Variants in FGL1 observed in about 807,000 individuals in gnomAD.
FGL1 encodes the protein fibrinogen like 1, also known as fibrinogen-like protein 1.
FGL1 carries 59 observed loss-of-function variants against 43.7 expected under a neutral mutation model. The ratio of observed to expected loss-of-function variants is 1.35; its 90% confidence interval spans 1.10 to 1.68. The LOEUF is 1.68. Ranked by LOEUF, FGL1 falls within the 40% of genes most tolerant of loss-of-function variation. FGL1 has a pLI of 0.00. For synonymous variants in FGL1, 192 were observed against 126.5 expected (o/e 1.52, Z -3.48); for missense variants, 596 against 373.0 (o/e 1.60, Z -4.92).
At chr8:17,882,238 T>G in intron 2 of FGL1, 59 bp from the exon 3 acceptor site, 1 of 1,452,760 alleles carries the variant, frequency 6.9e-7, no homozygotes, top group South Asian at 1.3e-5. Flanking sequence ...AACAAGTGCT[T>G]TTTAAACATT....
chr8:17,882,742 A>G (rs996645691), intron 2 of FGL1: 12 of 136,740 alleles, frequency 8.8e-5, no homozygotes, highest in Non-Finnish European at 1.7e-4. Context: ...TATAAATAAT[A>G]TATAATATAT....
chr8:17,878,523 C>T (rs968723367), intron 3 of FGL1, among the ~76,000 whole-genome samples: 3 of 152,202 alleles, frequency 2.0e-5, no homozygotes, highest in South Asian at 2.1e-4. Flanking sequence ...GTCAAGTGAA[C>T]GGCGGTGGTG....
intron 3 of FGL1, among the ~76,000 whole-genome samples, chr8:17,877,925 T>C (rs941945734): frequency 6.6e-6 from 1 of 152,182 alleles, no homozygotes; most frequent in Non-Finnish European, 1.5e-5. Flanking sequence ...TGAGTACTTC[T>C]TTTGCTCTAC....
intron 5 of FGL1, 72 bp downstream of exon 5, chr8:17,873,947 A>C (rs1438618310): frequency 4.5e-6 from 5 of 1,100,086 alleles, no homozygotes; most frequent in Admixed American, 2.8e-5. Flanking sequence ...ATTGCCTATA[A>C]TTTGGTTAAA....
chr8:17,886,613 C>T (rs1180447132), intron 1 of FGL1, among the ~76,000 whole-genome samples: 1 of 152,040 alleles, frequency 6.6e-6, no homozygotes, highest in Non-Finnish European at 1.5e-5. Context: ...CAAAAATTAG[C>T]CAGGCGTGGT....
chr8:17,892,598 T>C (rs1168374033), intron 1 of FGL1, among the ~76,000 whole-genome samples: 1 of 152,190 alleles, frequency 6.6e-6, no homozygotes, highest in Admixed American at 6.5e-5. Context: ...AAATTGTTCT[T>C]CTGACTGAAA....
At chr8:17,891,741 G>A (rs1186319147) in intron 1 of FGL1, 1 of 983,078 alleles carries the variant, frequency 1.0e-6, no homozygotes, top group African/African-American at 1.7e-5. Context: ...TTGCTTATGG[G>A]AGATCAAATT....
chr8:17,868,756 T>C (rs1186539787), intron 6 of FGL1, 21 bp from the exon 7 acceptor site: 1 of 1,600,476 alleles, frequency 6.2e-7, no homozygotes, highest in Admixed American at 1.7e-5. Flanking sequence ...AGGGCATTTC[T>C]GCTGTCAGTG....
intron 1 of FGL1, among the ~76,000 whole-genome samples, chr8:17,894,077 G>T (rs1375259737): frequency 6.8e-6 from 1 of 146,524 alleles, no homozygotes; most frequent in East Asian, 1.9e-4. Flanking sequence ...TAATTACGCT[G>T]CATTAAATTT....
chr8:17,884,700 T>A lies in FGL1; in HGVS notation c.63+792A>T, dbSNP rs116736197. On this transcript the variant is annotated intron_variant, in intron 2 of 7. Transcript: ENST00000427924. ...TTGTTAAACATAGTGCACTATGCAA[T>A]TTTAAAATAATTGAAGACATCACAG... Among the ~76,000 whole-genome samples, 494 of 152,296 alleles carry A rather than the reference T, an allele frequency of 3.2e-3. 3 individuals carry two copies. The highest frequency in any genetic ancestry group is 0.011 in the African/African-American group (457 of 41,572).
At chr8:17,882,259 A>G (rs1481687376) in intron 2 of FGL1, 80 bp from the exon 3 acceptor site, 2 of 1,317,462 alleles carry the variant, frequency 1.5e-6, no homozygotes, top group Non-Finnish European at 2.1e-6. Context: ...TGGATAAATC[A>G]GTGATTCCAT....
chr8:17,866,942 A>G lies in FGL1; in HGVS notation c.779+1606T>C, dbSNP rs564647336. 3.9e-5 allele frequency among the ~76,000 whole-genome samples: 6 copies of G among 152,264 alleles called. No individual in the cohort carries two copies. In the South Asian group the frequency reaches 8.3e-4, roughly 21 times the overall value. On this transcript the variant is annotated intron_variant, in intron 7 of 7. Transcript: ENST00000427924. ...AGACGGTTTTTAAAATAACAGGAAAACCACTAAGGAAAACACCATCATCAC... is the reference window on the plus strand; with the variant it reads ...AGACGGTTTTTAAAATAACAGGAAAGCCACTAAGGAAAACACCATCATCAC...
intron 1 of FGL1, among the ~76,000 whole-genome samples, chr8:17,886,278 G>A (rs1292516615): frequency 6.6e-6 from 1 of 152,138 alleles, no homozygotes; most frequent in Non-Finnish European, 1.5e-5. Context: ...TAGTTTTGAA[G>A]GTAAGAGTTA....
chr8:17,888,865 G>A (rs34612399), intron 1 of FGL1, among the ~76,000 whole-genome samples: 11,302 of 152,158 alleles, frequency 0.074, 453 homozygotes, highest in South Asian at 0.091. Context: ...CTAACTATTC[G>A]TAGGTAAAGT....
chr8:17,889,564 C>T (rs753365410), intron 1 of FGL1, among the ~76,000 whole-genome samples: 2 of 152,096 alleles, frequency 1.3e-5, no homozygotes, highest in African/African-American at 2.4e-5. Context: ...AACAACAACA[C>T]TATCAAAACA....
intron 1 of FGL1, among the ~76,000 whole-genome samples, chr8:17,889,179 G>A (rs971552136): frequency 4.6e-5 from 7 of 152,160 alleles, no homozygotes; most frequent in Non-Finnish European, 2.9e-5. Context: ...ATTTCCCCAA[G>A]TCTAACGTGG....
rs760210271 is a variant in FGL1 at position 17,882,030 on chromosome 8, G to A, written c.213C>T (p.Val71=). The change falls in exon 3 of 8, where the codon GTC becomes GTT. Residue 71 remains valine (V), a synonymous_variant. Coordinates refer to ENST00000427924, the MANE Select transcript of FGL1 (RefSeq NM_004467.4). ...ACTGCCTCTTGCTTCCAAGATCAAT[G>A]ACAGTATTCTCATCTCCTTTATCAA... ...QFLDKGDENT[V]IDLGSKRQYA... is the part of the protein sequence containing the mutation. 6.2e-6 allele frequency: 10 copies of A among 1,613,782 alleles called. 1 individual carries two copies. In the East Asian group the frequency reaches 1.3e-4, roughly 22 times the overall value.
upstream of FGL1, chr8:17,895,529 A>T: frequency 7.8e-7 from 1 of 1,286,862 alleles, no homozygotes; most frequent in Non-Finnish European, 1.0e-6. Flanking sequence ...TGCATTGGGA[A>T]TTTGTAATTA....
chr8:17,885,723 C>G (rs540017594), intron 1 of FGL1, 152 bp from the exon 2 acceptor site: 63 of 606,976 alleles, frequency 1.0e-4, no homozygotes, highest in Non-Finnish European at 1.7e-4. Context: ...ACTTTCCCAG[C>G]CTCTCACCAC....
Sources: gnomAD v4.1 joint callset for allele counts (sites outside exome capture counted in the v4.1 genomes callset) on GRCh38, gnomAD v4.1.1 for gene constraint, MANE v1.5 for transcripts, NCBI Gene and HGNC (gene_info 2026-07-23, HGNC 2026-07-21) for gene names.